ECM2: variants seen among roughly 807,000 people sequenced by gnomAD.
ECM2 encodes the protein extracellular matrix protein 2, female organ and adipocyte specific.
Under a neutral mutation model 67.5 loss-of-function variants are expected in ECM2, and 57 were observed. That is an observed-to-expected ratio of 0.84 (90% CI 0.68 to 1.05). ECM2 has a LOEUF of 1.05. Ranked by LOEUF, ECM2 falls within the 50% of genes least tolerant of loss-of-function variation. The pLI is 0.00. For missense variants in ECM2, 741 were observed against 822.8 expected (o/e 0.90, Z 1.22); for synonymous variants, 258 against 294.5 (o/e 0.88, Z 1.27).
intron 2 of ECM2, among the ~76,000 whole-genome samples, chr9:92,521,436 C>T (rs1420949857): frequency 6.6e-6 from 1 of 151,986 alleles, no homozygotes; most frequent in Non-Finnish European, 1.5e-5. Flanking sequence ...GTAAGTGTGG[C>T]CTAAATTGCC....
intron 3 of ECM2, 64 bp downstream of exon 3, chr9:92,517,623 C>CA (rs1847807736): frequency 6.3e-7 from 1 of 1,599,040 alleles, no homozygotes; most frequent in Non-Finnish European, 8.5e-7. Flanking sequence ...AAATTAGTAA[C>CA]AAAAACAAAT....
chr9:92,516,070 T>C lies in ECM2; in HGVS notation c.482-867A>G, dbSNP rs183515788. ...ACTGATTTCACAGTGCATACTTTTT[T>C]TTCCCCCCCCCGAGACGGAGTCTTG... On this transcript the variant is annotated intron_variant, in intron 3 of 9. Coordinates refer to ENST00000344604, the MANE Select transcript of ECM2 (RefSeq NM_001393.4). 4.2e-3 allele frequency among the ~76,000 whole-genome samples: 593 copies of C among 141,848 alleles called. 13 individuals carry two copies. Among genetic ancestry groups the C allele is most frequent in the Non-Finnish European group, 8.8e-4 (55 of 62,760 alleles). The allele number at this position is 141,848 out of a possible 152,430, so 93.1% of individuals were successfully genotyped here.
chr9:92,519,497 A>G (rs994527914), intron 2 of ECM2, among the ~76,000 whole-genome samples: 4 of 152,222 alleles, frequency 2.6e-5, no homozygotes, highest in Admixed American at 1.3e-4. Context: ...GAACACTGAA[A>G]GTCAGACATA....
intron 6 of ECM2, among the ~76,000 whole-genome samples, chr9:92,508,081 G>A (rs760944375): frequency 7.9e-5 from 12 of 152,246 alleles, no homozygotes; most frequent in South Asian, 6.2e-4. Context: ...GAGAGATGAC[G>A]GGAGAGCAGT....
chr9:92,495,468 A>G lies in ECM2; in HGVS notation c.*847T>C. 1 of 984,932 alleles carries G rather than the reference A, an allele frequency of 1.0e-6. No individual in the cohort carries two copies. Among genetic ancestry groups the G allele is most frequent in the Non-Finnish European group, 1.2e-6 (1 of 829,476 alleles). 61.0% of individuals were successfully genotyped at this position (984,932 alleles called of 1,614,324 possible). On this transcript the variant is annotated 3_prime_UTR_variant, in exon 10 of 10. Coordinates refer to ENST00000344604, the MANE Select transcript of ECM2 (RefSeq NM_001393.4). Reference sequence around the variant, plus strand: ...ACCAGTGGTGCAAAATTTTTCAAAAATTTATACATTAGATTTACCTTTACA... The same window carrying G: ...ACCAGTGGTGCAAAATTTTTCAAAAGTTTATACATTAGATTTACCTTTACA...
At chr9:92,554,883 G>A in the ECM2 span, among the ~76,000 whole-genome samples, 3 of 151,922 alleles carry the variant, frequency 2.0e-5, no homozygotes, top group Non-Finnish European at 2.9e-5. Context: ...TGATCCATCC[G>A]CCTCGGCCTC....
At chr9:92,534,655 GA>G (rs1301949958) in intron 1 of ECM2, among the ~76,000 whole-genome samples, 9 of 152,138 alleles carry the variant, frequency 5.9e-5, no homozygotes, top group African/African-American at 1.7e-4. Context: ...ATTGGCACCT[GA>G]AATCATAAAA....
At chr9:92,494,661 C>T (rs1409656707), downstream of ECM2, among the ~76,000 whole-genome samples, 3 of 152,110 alleles carry the variant, frequency 2.0e-5, no homozygotes, top group African/African-American at 7.2e-5. Context: ...ATAATCCCAG[C>T]ACTTTGGGAG....
the ECM2 span, among the ~76,000 whole-genome samples, chr9:92,552,196 C>CACAA: frequency 0.013 from 1,905 of 144,866 alleles, 65 homozygotes; most frequent in Middle Eastern, 0.031. Context: ...CATATACACA[C>CACAA]ACACACACAC....
chr9:92,533,920 A>AT (rs1460566143), intron 1 of ECM2, among the ~76,000 whole-genome samples: 5 of 151,974 alleles, frequency 3.3e-5, no homozygotes, highest in African/African-American at 2.4e-5. Flanking sequence ...TTCTATAGAA[A>AT]TTTTTTTCAA....
intron 2 of ECM2, among the ~76,000 whole-genome samples, chr9:92,520,594 G>A (rs1185306050): frequency 6.6e-6 from 1 of 152,172 alleles, no homozygotes; most frequent in Non-Finnish European, 1.5e-5. Flanking sequence ...TGGCCCAACA[G>A]TTCCCCTCCT....
the ECM2 span, among the ~76,000 whole-genome samples, chr9:92,553,694 G>T: frequency 6.6e-6 from 1 of 152,142 alleles, no homozygotes; most frequent in Non-Finnish European, 1.5e-5. Flanking sequence ...AAGGGATTGA[G>T]TTCTTGATTT....
At chr9:92,513,057 T>TTGA (rs754395867) in intron 4 of ECM2, among the ~76,000 whole-genome samples, 4 of 152,194 alleles carry the variant, frequency 2.6e-5, no homozygotes, top group African/African-American at 4.8e-5. Flanking sequence ...CACAAATGTG[T>TTGA]TGACCTTTTC....
chr9:92,544,470 C>T, the ECM2 span, among the ~76,000 whole-genome samples: 2 of 151,852 alleles, frequency 1.3e-5, no homozygotes, highest in Non-Finnish European at 2.9e-5. Context: ...AGCAAGACTC[C>T]GTCTCAAAAA....
At chr9:92,545,706 T>C in the ECM2 span, among the ~76,000 whole-genome samples, 1 of 151,366 alleles carries the variant, frequency 6.6e-6, no homozygotes, top group Non-Finnish European at 1.5e-5. Context: ...CCAGCTGGGC[T>C]CATCCAGCTG....
At chr9:92,551,639 G>A in the ECM2 span, among the ~76,000 whole-genome samples, 1 of 151,872 alleles carries the variant, frequency 6.6e-6, no homozygotes, top group Non-Finnish European at 1.5e-5. Flanking sequence ...AGTATACACT[G>A]CACCCTATTT....
intron 7 of ECM2, 49 bp from the exon 8 acceptor site, chr9:92,502,701 C>T (rs752498840): frequency 1.1e-5 from 15 of 1,410,426 alleles, no homozygotes; most frequent in African/African-American, 8.7e-5. Context: ...TTAGTTGATA[C>T]GTTCAATTTC....
chr9:92,547,487 T>C, the ECM2 span, among the ~76,000 whole-genome samples: 1 of 152,252 alleles, frequency 6.6e-6, no homozygotes, highest in South Asian at 2.1e-4. Context: ...AGGAATGTCA[T>C]ACTGACACAT....
At chr9:92,524,258 A>G (rs1185252025) in intron 1 of ECM2, among the ~76,000 whole-genome samples, 2 of 152,184 alleles carry the variant, frequency 1.3e-5, no homozygotes, top group African/African-American at 4.8e-5. Context: ...TAAGGAGGTA[A>G]GAGTCAGGAA....
Sources: gnomAD v4.1 joint callset for allele counts (sites outside exome capture counted in the v4.1 genomes callset) on GRCh38, gnomAD v4.1.1 for gene constraint, MANE v1.5 for transcripts, NCBI Gene and HGNC (gene_info 2026-07-23, HGNC 2026-07-21) for gene names.